GTF3C2: variants seen among roughly 807,000 people sequenced by gnomAD.
GTF3C2 encodes general transcription factor IIIC subunit 2.
A neutral mutation model predicts 117.4 loss-of-function variants in GTF3C2; 17 were observed. That is an observed-to-expected ratio of 0.14 (90% CI 0.10 to 0.22). The LOEUF (loss-of-function observed/expected upper bound fraction) is 0.22, where lower values mean the gene tolerates loss of function less well. Ranked by LOEUF, GTF3C2 falls within the 10% of genes least tolerant of loss-of-function variation. GTF3C2 has a pLI of 1.00. For missense variants in GTF3C2, 888 were observed against 1,143.6 expected (o/e 0.78, Z 3.22); for synonymous variants, 437 against 427.0 (o/e 1.02, Z -0.29).
chr2:27,333,772 C>T, exon 12 of GTF3C2: 2 of 1,604,552 alleles, frequency 1.2e-6, no homozygotes, highest in Non-Finnish European at 8.5e-7. Flanking sequence ...TGCAGAGTTG[C>T]CACACATTGT....
At chr2:27,356,075 G>T in intron 1 of GTF3C2, 1 of 1,285,534 alleles carries the variant, frequency 7.8e-7, no homozygotes, top group Non-Finnish European at 1.0e-6. Context: ...GAACAAAGAG[G>T]TTTGTCCATA....
At chr2:27,326,500 T>G in exon 19 of GTF3C2, 1 of 615,288 alleles carries the variant, frequency 1.6e-6, no homozygotes, top group Non-Finnish European at 2.9e-6. Flanking sequence ...CAGGGGGCTG[T>G]GATCACAGAA....
At chr2:27,339,536 T>C (rs1301562594) in intron 4 of GTF3C2, 1 of 152,000 alleles carries the variant, frequency 6.6e-6, no homozygotes, top group South Asian at 2.1e-4. Flanking sequence ...AAATGTTGCA[T>C]CAAAATAGCA....
chr2:27,331,383 G>A (rs1433017206), intron 12 of GTF3C2, among the ~76,000 whole-genome samples: 1 of 152,174 alleles, frequency 6.6e-6, no homozygotes, highest in Non-Finnish European at 1.5e-5. Flanking sequence ...CTGGAGTGCA[G>A]TGGCACGATC....
intron 2 of GTF3C2, 23 bp from the exon 3 acceptor site, chr2:27,343,170 G>A (rs1680796968): frequency 2.6e-6 from 4 of 1,533,466 alleles, no homozygotes; most frequent in Non-Finnish European, 3.5e-6. Flanking sequence ...ATATGGGTCT[G>A]TGAGATGGGA....
chr2:27,328,245 G>C (rs1680155206), intron 16 of GTF3C2, 56 bp from the exon 17 acceptor site: 1 of 1,406,978 alleles, frequency 7.1e-7, no homozygotes, highest in Non-Finnish European at 9.8e-7. Flanking sequence ...AATAAAAGCA[G>C]AGGAAAGTGG....
At chr2:27,341,724 C>G (rs1170542558) in intron 4 of GTF3C2, 1 of 545,148 alleles carries the variant, frequency 1.8e-6, no homozygotes, top group Non-Finnish European at 3.3e-6. Flanking sequence ...TGTTTCCTAA[C>G]AGAGAACAGA....
At chr2:27,336,403 G>T (rs201476077) in exon 8 of GTF3C2, 2 of 1,604,820 alleles carry the variant, frequency 1.2e-6, no homozygotes, top group Non-Finnish European at 1.7e-6. Context: ...CAGCGCTCTG[G>T]ATGTGCTGTG....
rs1558614254 is a variant in GTF3C2, at chr2:27,333,636, T to A, written c.1732+19A>T. On this transcript the variant is annotated intron_variant, in intron 12 of 18. Transcript: ENST00000264720. ...TTTAAAGAGCAATAGTTCCTTATGT[T>A]TTATTTTGGTTTTTTTACCATTATA... 1 of 1,574,730 alleles carries A rather than the reference T, an allele frequency of 6.4e-7. No homozygotes were observed. The highest frequency in any genetic ancestry group is 8.7e-7 in the Non-Finnish European group (1 of 1,155,578).
chr2:27,354,648 G>A (rs574792880), intron 1 of GTF3C2, among the ~76,000 whole-genome samples: 13 of 152,054 alleles, frequency 8.5e-5, no homozygotes, highest in South Asian at 2.1e-4. Flanking sequence ...CCATCTACTC[G>A]GGAGGCTGAG....
intron 1 of GTF3C2, among the ~76,000 whole-genome samples, chr2:27,349,358 A>G (rs1431320294): frequency 6.7e-6 from 1 of 149,032 alleles, no homozygotes; most frequent in Non-Finnish European, 1.5e-5. Context: ...CGTGTTAGCC[A>G]GGATGGTCTC....
intron 1 of GTF3C2, among the ~76,000 whole-genome samples, chr2:27,350,879 G>T (rs1418534875): frequency 1.3e-5 from 2 of 150,918 alleles, no homozygotes; most frequent in Non-Finnish European, 2.9e-5. Flanking sequence ...AATACAGGAG[G>T]CAGAGTTTGC....
intron 1 of GTF3C2, among the ~76,000 whole-genome samples, chr2:27,351,151 C>T (rs1479767333): frequency 6.6e-6 from 1 of 151,978 alleles, no homozygotes; most frequent in Non-Finnish European, 1.5e-5. Flanking sequence ...GTGGCTCACG[C>T]CTGTAATCCT....
chr2:27,353,319 G>T (rs575631723), intron 1 of GTF3C2, among the ~76,000 whole-genome samples: 38 of 150,712 alleles, frequency 2.5e-4, no homozygotes, highest in African/African-American at 9.0e-4. Context: ...CTTGCAGGAG[G>T]TTGCAGTGAG....
At chr2:27,335,240 C>A in intron 10 of GTF3C2, 1 of 486,544 alleles carries the variant, frequency 2.1e-6, no homozygotes, top group Non-Finnish European at 4.2e-6. Flanking sequence ...AGGCTAAGAA[C>A]AGGATTGGGG....
At chr2:27,345,100 AGAGT>A (rs1256314486) in intron 1 of GTF3C2, among the ~76,000 whole-genome samples, 2 of 149,636 alleles carry the variant, frequency 1.3e-5, no homozygotes, top group African/African-American at 4.9e-5. Flanking sequence ...CCTGGGCAAC[AGAGT>A]GAGACTCCTT....
chr2:27,338,592 G>A (rs529909128), intron 4 of GTF3C2, among the ~76,000 whole-genome samples: 8 of 152,190 alleles, frequency 5.3e-5, no homozygotes, highest in East Asian at 1.9e-4. Flanking sequence ...GTGCAGTGGC[G>A]CAATCTTGGC....
At chr2:27,354,354 G>A (rs759884711) in intron 1 of GTF3C2, among the ~76,000 whole-genome samples, 9 of 152,148 alleles carry the variant, frequency 5.9e-5, no homozygotes, top group Non-Finnish European at 1.0e-4. Flanking sequence ...GACTGACCAC[G>A]TCTACAGGAG....
chr2:27,332,484 G>A (rs1053077792), intron 12 of GTF3C2, among the ~76,000 whole-genome samples: 4 of 151,456 alleles, frequency 2.6e-5, no homozygotes, highest in Non-Finnish European at 5.9e-5. Context: ...GCACCATCTC[G>A]GCTCACTGCA....
Sources: gnomAD v4.1 joint callset for allele counts (sites outside exome capture counted in the v4.1 genomes callset) on GRCh38, gnomAD v4.1.1 for gene constraint, MANE v1.5 for transcripts, NCBI Gene and HGNC (gene_info 2026-07-23, HGNC 2026-07-21) for gene names.